The following SREK1IP1 variants were observed in gnomAD, a reference collection of about 807,000 sequenced individuals.
SREK1IP1 encodes the protein protein SREK1IP1.
SREK1IP1 carries 12 observed loss-of-function variants against 22.8 expected under a neutral mutation model. The observed-to-expected ratio is 0.53, with a 90% CI of 0.34 to 0.85. The LOEUF (loss-of-function observed/expected upper bound fraction) is 0.85, where lower values mean the gene tolerates loss of function less well. Among genes scored for constraint, SREK1IP1 ranks in the 40% least tolerant of loss-of-function variants. SREK1IP1 has a pLI of 0.02. For missense variants in SREK1IP1, 147 were observed against 171.8 expected (o/e 0.86, Z 0.81); for synonymous variants, 53 against 52.7 (o/e 1.01, Z -0.02).
At chr5:64,760,070 G>A (rs1742919788) in intron 1 of SREK1IP1, among the ~76,000 whole-genome samples, 1 of 152,198 alleles carries the variant, frequency 6.6e-6, no homozygotes, top group Non-Finnish European at 1.5e-5. Flanking sequence ...TAGGGACAGA[G>A]TAGAAATAAT....
chr5:64,735,410 TCTC>T (rs981354886), intron 3 of SREK1IP1, among the ~76,000 whole-genome samples: 2 of 152,086 alleles, frequency 1.3e-5, no homozygotes, highest in Non-Finnish European at 2.9e-5. Context: ...TGAGAAATAC[TCTC>T]CTCCCTTCAA....
rs567397944 is a variant in SREK1IP1, at chr5:64,742,542, C to G, written c.62-1342G>C. Among the ~76,000 whole-genome samples, 5 of 152,284 alleles carry G rather than the reference C, an allele frequency of 3.3e-5. No homozygotes were observed. The East Asian group carries it at 9.6e-4, about 29-fold the overall frequency. ...GATCCACTAATGATTCACTACAAAT[C>G]TATGCTAGGGGTTGTTTCCAGTTGT... On this transcript the variant is annotated intron_variant, in intron 2 of 4. Coordinates refer to ENST00000513458, the MANE Select transcript of SREK1IP1 (RefSeq NM_173829.4).
rs1742864886 is a variant in SREK1IP1 at position 64,757,596 on chromosome 5, A to G, written c.14-3234T>C. Among the ~76,000 whole-genome samples, 3 of 152,178 alleles carry G rather than the reference A, an allele frequency of 2.0e-5. No homozygotes were observed. The South Asian group carries it at 6.2e-4, about 31-fold the overall frequency. ...GAGTATACAAAATACACAAGCACAT[A>G]CATCTCAAAACATTTCTAGTGACCT... On this transcript the variant is annotated intron_variant, in intron 1 of 4. Coordinates refer to ENST00000513458, the MANE Select transcript of SREK1IP1 (RefSeq NM_173829.4).
chr5:64,768,399 C>T, intron 1 of SREK1IP1, 106 bp downstream of exon 1: 1 of 1,448,466 alleles, frequency 6.9e-7, no homozygotes, highest in Non-Finnish European at 9.6e-7. Context: ...TTAAGGCCTC[C>T]GCCTAAATCC....
intron 2 of SREK1IP1, among the ~76,000 whole-genome samples, chr5:64,749,454 TGA>T: frequency 6.6e-6 from 1 of 151,490 alleles, no homozygotes; most frequent in South Asian, 2.1e-4. Context: ...TTTTTTCCTT[TGA>T]GAGAGGGTCT....
intron 3 of SREK1IP1, among the ~76,000 whole-genome samples, chr5:64,731,293 C>T (rs900382589): frequency 3.3e-5 from 5 of 151,690 alleles, no homozygotes; most frequent in African/African-American, 1.2e-4. Flanking sequence ...GCTGGAGGAT[C>T]GCATAAGACT....
At chr5:64,756,784 G>A (rs1435382433) in intron 1 of SREK1IP1, among the ~76,000 whole-genome samples, 12 of 151,688 alleles carry the variant, frequency 7.9e-5, no homozygotes, top group African/African-American at 2.9e-4. Context: ...CCACCACCAC[G>A]CCCAGCTAAT....
chr5:64,749,404 C>T (rs1043822340), intron 2 of SREK1IP1, among the ~76,000 whole-genome samples: 1 of 151,936 alleles, frequency 6.6e-6, no homozygotes, highest in Admixed American at 6.6e-5. Flanking sequence ...AAAATGCCGG[C>T]CTCTTCTGTA....
At chr5:64,759,776 A>C (rs1284428449) in intron 1 of SREK1IP1, among the ~76,000 whole-genome samples, 1 of 152,216 alleles carries the variant, frequency 6.6e-6, no homozygotes, top group Non-Finnish European at 1.5e-5. Flanking sequence ...AACAGGTAAA[A>C]TGTACACTAA....
intron 2 of SREK1IP1, among the ~76,000 whole-genome samples, chr5:64,750,926 T>C (rs1186848913): frequency 6.6e-6 from 1 of 152,174 alleles, no homozygotes; most frequent in African/African-American, 2.4e-5. Flanking sequence ...AAAAACCCTC[T>C]CCATTTATCC....
chr5:64,768,172 A>C (rs1474560660), intron 1 of SREK1IP1, among the ~76,000 whole-genome samples: 2 of 152,032 alleles, frequency 1.3e-5, no homozygotes, highest in African/African-American at 4.8e-5. Flanking sequence ...TTTTAGTTTT[A>C]AGCCATACCA....
chr5:64,723,877 G>A lies in SREK1IP1; in HGVS notation c.*507C>T, dbSNP rs1213369122. 6.6e-6 allele frequency: 1 copy of A among 152,368 alleles called. No individual in the cohort carries two copies. 9.4% of individuals were successfully genotyped at this position (152,368 alleles called of 1,614,324 possible). ...CTACAACATTGAAAAAAAATCCCTA[G>A]AGATTTAAAAAACTGAAGAATTTCA... is the stretch of plus-strand genomic sequence containing the variant. On this transcript the variant is annotated 3_prime_UTR_variant, in exon 5 of 5. Transcript: ENST00000513458.
At chr5:64,754,557 T>G (rs533208181) in intron 1 of SREK1IP1, 195 bp from the exon 2 acceptor site, 4 of 500,924 alleles carry the variant, frequency 8.0e-6, no homozygotes, top group Admixed American at 3.2e-5. Flanking sequence ...CTCCAGCTCC[T>G]GGCTCAGGCG....
chr5:64,748,381 A>C (rs970792138), intron 2 of SREK1IP1, among the ~76,000 whole-genome samples: 1 of 152,058 alleles, frequency 6.6e-6, no homozygotes, highest in African/African-American at 2.4e-5. Flanking sequence ...GGGCAATGAA[A>C]AAGTTTTGCA....
chr5:64,745,870 G>T (rs1742625376), intron 2 of SREK1IP1, among the ~76,000 whole-genome samples: 1 of 151,868 alleles, frequency 6.6e-6, no homozygotes, highest in Admixed American at 6.6e-5. Flanking sequence ...TAATAACTGT[G>T]TTGCAAATTA....
chr5:64,741,303 A>G lies in SREK1IP1; in HGVS notation c.62-103T>C, dbSNP rs974610259. On this transcript the variant is annotated intron_variant, in intron 2 of 4. Transcript: ENST00000513458. The stretch of plus-strand genomic sequence containing the variant: ...ACGGTAACCAGTAAGTTACAATTTC[A>G]ATAATATAATGTAGAAAGCTTTAAC... The G allele has an allele frequency of 2.8e-6, 3 of 1,073,820 alleles. No homozygotes were observed. The African/African-American group carries it at 4.9e-5, about 17-fold the overall frequency. 66.5% of individuals were successfully genotyped at this position (1,073,820 alleles called of 1,614,324 possible).
rs1211056248 is a variant in SREK1IP1, at chr5:64,722,512, G to A, written c.*1872C>T. 3 of 152,062 alleles carry A rather than the reference G, an allele frequency of 2.0e-5. No individual in the cohort carries two copies. Among genetic ancestry groups the A allele is most frequent in the African/African-American group, 4.8e-5 (2 of 41,418 alleles). The allele number at this position is 152,062 out of a possible 1,614,324, so 9.4% of individuals were successfully genotyped here. On this transcript the variant is annotated 3_prime_UTR_variant, in exon 5 of 5. Coordinates refer to ENST00000513458, the MANE Select transcript of SREK1IP1 (RefSeq NM_173829.4). ...CAAGGCTAGTCAAGTCAAGCAGTGG[G>A]AGTAAAGAAACACCACTGCACTTGT...
At chr5:64,747,624 G>A (rs1312158406) in intron 2 of SREK1IP1, among the ~76,000 whole-genome samples, 5 of 152,142 alleles carry the variant, frequency 3.3e-5, no homozygotes, top group East Asian at 3.9e-4. Flanking sequence ...TAGCTGTTAC[G>A]AAAACCAGTT....
intron 2 of SREK1IP1, among the ~76,000 whole-genome samples, chr5:64,751,114 C>T (rs1361724430): frequency 6.6e-6 from 1 of 152,170 alleles, no homozygotes; most frequent in African/African-American, 2.4e-5. Flanking sequence ...GCAAAGCATC[C>T]TACCTGCCAA....
Sources: gnomAD v4.1 joint callset for allele counts (sites outside exome capture counted in the v4.1 genomes callset) on GRCh38, gnomAD v4.1.1 for gene constraint, MANE v1.5 for transcripts, NCBI Gene and HGNC (gene_info 2026-07-23, HGNC 2026-07-21) for gene names.